PPAT: variants seen among roughly 807,000 people sequenced by gnomAD.
PPAT encodes the protein phosphoribosyl pyrophosphate amidotransferase.
Under a neutral mutation model 60.2 loss-of-function variants are expected in PPAT, and 20 were observed. The observed-to-expected ratio is 0.33, with a 90% CI of 0.23 to 0.48. The LOEUF (loss-of-function observed/expected upper bound fraction) is 0.48, where lower values mean the gene tolerates loss of function less well. Ranked by LOEUF, PPAT falls within the 20% of genes least tolerant of loss-of-function variation. PPAT has a pLI of 0.99. For synonymous variants in PPAT, 194 were observed against 215.1 expected (o/e 0.90, Z 0.86); for missense variants, 349 against 629.6 (o/e 0.55, Z 4.77).
At position 56,393,787 on chromosome 4, in the gene PPAT, G is replaced by A. The variant is rs566750737; in HGVS notation, c.*1565C>T. The A allele has an allele frequency of 1.3e-5, 2 of 152,688 alleles. No homozygotes were observed. Among genetic ancestry groups the A allele is most frequent in the Non-Finnish European group, 1.5e-5 (1 of 68,014 alleles). The allele number at this position is 152,688 out of a possible 1,614,324, so 9.5% of individuals were successfully genotyped here. ...AGTTCAAAATTGACCCACAGGTCTTGCCTCCTCCATGCTGCCATGGGGAGT... is the reference window on the plus strand; with the variant it reads ...AGTTCAAAATTGACCCACAGGTCTTACCTCCTCCATGCTGCCATGGGGAGT... On this transcript the variant is annotated 3_prime_UTR_variant, in exon 11 of 11. Coordinates refer to ENST00000264220, the MANE Select transcript of PPAT (RefSeq NM_002703.5).
chr4:56,420,657 A>G (rs780613409), intron 1 of PPAT: 3 of 152,340 alleles, frequency 2.0e-5, no homozygotes, highest in African/African-American at 7.2e-5. Flanking sequence ...GCAACCCCAG[A>G]TGGCAGAAGT....
At chr4:56,433,768 C>G (rs1433290610) in intron 1 of PPAT, among the ~76,000 whole-genome samples, 1 of 151,548 alleles carries the variant, frequency 6.6e-6, no homozygotes, top group Non-Finnish European at 1.5e-5. Flanking sequence ...GATCTCTGCT[C>G]TCTGGAACCT....
intron 1 of PPAT, among the ~76,000 whole-genome samples, chr4:56,408,839 T>TA (rs1174872586): frequency 2.6e-5 from 4 of 151,940 alleles, no homozygotes; most frequent in Admixed American, 2.6e-4. Flanking sequence ...ACATCCTCTG[T>TA]AAAAAAATGT....
At chr4:56,433,919 T>C (rs1313905833) in intron 1 of PPAT, among the ~76,000 whole-genome samples, 2 of 152,144 alleles carry the variant, frequency 1.3e-5, no homozygotes, top group Non-Finnish European at 2.9e-5. Context: ...CTCGATCTCT[T>C]AACCTCGTGA....
In PPAT at chr4:56,394,633, T is replaced by A. The variant is rs1028194936; in HGVS notation, c.*719A>T. 6.6e-6 allele frequency: 1 copy of A among 152,182 alleles called. No homozygotes were observed. The highest frequency in any genetic ancestry group is 2.4e-5 in the African/African-American group (1 of 41,452). The allele number at this position is 152,182 out of a possible 1,614,324, so 9.4% of individuals were successfully genotyped here. A position where few individuals can be genotyped will look rare whatever the true frequency, so the allele number is the denominator to read the frequency against. On this transcript the variant is annotated 3_prime_UTR_variant, in exon 11 of 11. Coordinates refer to ENST00000264220, the MANE Select transcript of PPAT (RefSeq NM_002703.5). Reference sequence around the variant, plus strand: ...ACATCTCAAAGAGAGATGGCAAAGATCTGCCAATTATGTCTCCTTCCATCA... The same window carrying A: ...ACATCTCAAAGAGAGATGGCAAAGAACTGCCAATTATGTCTCCTTCCATCA...
chr4:56,417,111 A>G (rs1716792514), intron 1 of PPAT, among the ~76,000 whole-genome samples: 1 of 152,138 alleles, frequency 6.6e-6, no homozygotes, highest in Non-Finnish European at 1.5e-5. Context: ...GGCCTCCCAA[A>G]TTGCTGGGAT....
At chr4:56,399,618 A>G in intron 8 of PPAT, 1 of 426,380 alleles carries the variant, frequency 2.3e-6, no homozygotes, top group Admixed American at 4.0e-5. Context: ...TGTCTTAAAC[A>G]TTATTCCTCT....
rs539293873 is a variant in PPAT at position 56,394,113 on chromosome 4, C to T, written c.*1239G>A. 17 of 152,078 alleles carry T rather than the reference C, an allele frequency of 1.1e-4. No homozygotes were observed. The East Asian group carries it at 3.1e-3, about 28-fold the overall frequency. The allele number at this position is 152,078 out of a possible 1,614,324, so 9.4% of individuals were successfully genotyped here. A position where few individuals can be genotyped will look rare whatever the true frequency, so the allele number is the denominator to read the frequency against. ...TTATGTTTAAAAATTCTTACATAAA[C>T]AAAGGTTTGGGGTCAAGTCATCTTA... On this transcript the variant is annotated 3_prime_UTR_variant, in exon 11 of 11. Transcript: ENST00000264220.
chr4:56,425,712 C>T (rs1470303677), intron 1 of PPAT, among the ~76,000 whole-genome samples: 2 of 151,980 alleles, frequency 1.3e-5, no homozygotes, highest in Non-Finnish European at 2.9e-5. Context: ...GGGTAGTCAC[C>T]GAAAAAGACC....
intron 1 of PPAT, chr4:56,421,407 CA>C (rs1266054164): frequency 6.6e-6 from 1 of 152,412 alleles, no homozygotes; most frequent in Non-Finnish European, 1.5e-5. Context: ...TGAATCCTCC[CA>C]AAACCATGGC....
chr4:56,419,552 C>A, intron 1 of PPAT: 1 of 439,228 alleles, frequency 2.3e-6, no homozygotes, highest in Non-Finnish European at 3.0e-6. Context: ...ATGTTGCATC[C>A]AATTATTTAC....
At chr4:56,434,737 T>C (rs1000549232) in intron 1 of PPAT, among the ~76,000 whole-genome samples, 2 of 152,154 alleles carry the variant, frequency 1.3e-5, no homozygotes, top group Non-Finnish European at 2.9e-5. Flanking sequence ...CTTATTTCCA[T>C]TTAATTTATG....
chr4:56,403,146 G>T lies in PPAT; in HGVS notation c.555C>A (p.Ser185=), dbSNP rs771439982. The change falls in exon 5 of 11, where the codon TCC becomes TCA. Residue 185 remains serine (S), a synonymous_variant. Transcript: ENST00000264220. ...NLMKEAPTAY[S]LLIMHRDVIY... ...TAACATCTCTGTGCATTATAAGCAG[G>T]GAGTATGCTGTGGGTGCTTCCTTCA... 2 of 1,610,584 alleles carry T rather than the reference G, an allele frequency of 1.2e-6. No homozygotes were observed. The highest frequency in any genetic ancestry group is 2.7e-5 in the African/African-American group (2 of 74,708).
At chr4:56,424,711 T>C (rs1325104359) in intron 1 of PPAT, among the ~76,000 whole-genome samples, 1 of 152,212 alleles carries the variant, frequency 6.6e-6, no homozygotes, top group Admixed American at 6.5e-5. Flanking sequence ...GAAAGGACTC[T>C]GCCAAAAGAG....
rs1010102438 is a variant in PPAT at position 56,402,263 on chromosome 4, A to G, written c.662-82T>C. The G allele has an allele frequency of 1.0e-5, 10 of 996,552 alleles. No homozygotes were observed. The African/African-American group carries it at 1.1e-4, about 11-fold the overall frequency. 61.7% of individuals were successfully genotyped at this position (996,552 alleles called of 1,614,324 possible). Reference sequence around the variant, plus strand: ...CAATGGAACAGCTAACACTAAATAAATAAGTAAATAAAACTCATAGAATAG... The same window carrying G: ...CAATGGAACAGCTAACACTAAATAAGTAAGTAAATAAAACTCATAGAATAG... On this transcript the variant is annotated intron_variant, in intron 5 of 10. Coordinates refer to ENST00000264220, the MANE Select transcript of PPAT (RefSeq NM_002703.5).
chr4:56,402,105 T>C lies in PPAT; in HGVS notation c.734+4A>G. On this transcript the variant is annotated splice_donor_region_variant and intron_variant, in intron 6 of 10. Transcript: ENST00000264220. The stretch of plus-strand genomic sequence containing the variant: ...TAAAATATGTCAAACAAGGTAAAAC[T>C]TACCTTGCACCAATAGATAAGAAGC... 1 of 1,573,806 alleles carries C rather than the reference T, an allele frequency of 6.4e-7. No individual in the cohort carries two copies. Among genetic ancestry groups the C allele is most frequent in the Non-Finnish European group, 8.7e-7 (1 of 1,152,966 alleles).
intron 1 of PPAT, among the ~76,000 whole-genome samples, chr4:56,410,079 T>G (rs1716375048): frequency 6.6e-6 from 1 of 152,118 alleles, no homozygotes; most frequent in African/African-American, 2.4e-5. Context: ...TGCTGTGGGG[T>G]CTGTAAGTTA....
Position 56,396,208 on chromosome 4 carries a change from G to C in PPAT, c.1357+411C>G, listed in dbSNP as rs1715964262. The stretch of plus-strand genomic sequence containing the variant: ...AAGATGTCTTACCCAGGATAACTTA[G>C]ATCTCGAAGTCTCCTTATCTCATTA... On this transcript the variant is annotated intron_variant, in intron 10 of 10. Transcript: ENST00000264220. The surrounding 1 kb of genome is among the most constrained non-coding windows in gnomAD (Gnocchi z 4.6). The C allele has an allele frequency of 6.5e-6, 1 of 153,706 alleles. No homozygotes were observed. The highest frequency in any genetic ancestry group is 2.4e-5 in the African/African-American group (1 of 41,456). The allele number at this position is 153,706 out of a possible 1,614,324, so 9.5% of individuals were successfully genotyped here.
At chr4:56,417,007 G>GC (rs1458577911) in intron 1 of PPAT, among the ~76,000 whole-genome samples, 10 of 151,980 alleles carry the variant, frequency 6.6e-5, no homozygotes, top group Non-Finnish European at 1.2e-4. Flanking sequence ...GCACCATCAC[G>GC]CCCAGCTAAT....
Sources: gnomAD v4.1 joint callset for allele counts (sites outside exome capture counted in the v4.1 genomes callset) on GRCh38, gnomAD v4.1.1 for gene constraint, Gnocchi (gnomAD v3.1) non-coding constraint, MANE v1.5 for transcripts, NCBI Gene and HGNC (gene_info 2026-07-23, HGNC 2026-07-21) for gene names.